Variants in HDHD2 observed in about 807,000 individuals in gnomAD.
HDHD2 encodes the protein haloacid dehalogenase-like hydrolase domain-containing protein 2.
A neutral mutation model predicts 24.8 loss-of-function variants in HDHD2; 26 were observed. The observed-to-expected ratio is 1.05, with a 90% CI of 0.77 to 1.45. The LOEUF is 1.45. Ranked by LOEUF, HDHD2 falls within the 40% of genes most tolerant of loss-of-function variation. The pLI is 0.00. For synonymous variants in HDHD2, 128 were observed against 114.9 expected (o/e 1.11, Z -0.73); for missense variants, 299 against 313.4 (o/e 0.95, Z 0.35).
intron 4 of HDHD2, among the ~76,000 whole-genome samples, chr18:47,126,620 T>C (rs1030026589): frequency 6.6e-6 from 1 of 152,162 alleles, no homozygotes; most frequent in Non-Finnish European, 1.5e-5. Context: ...AATTTAAACA[T>C]GAAAGTTGTG....
At position 47,115,235 on chromosome 18, in the gene HDHD2, G is replaced by A. The variant is rs1455066580; in HGVS notation, c.509C>T (p.Thr170Ile). The change falls in exon 5 of 7, where the codon ACA becomes ATA. Residue 170 changes from threonine (T) to isoleucine (I), a missense_variant. Physicochemically the swap from Thr to Ile is moderately conservative, Grantham distance 89 (BLOSUM62 -1). Coordinates refer to ENST00000300605, the MANE Select transcript of HDHD2 (RefSeq NM_032124.5). ...CCCCACGACTGTGGCTTTGGTATCT[G>A]TGGCATACTCTAAAGCAGTCACAAA... Reference protein sequence around the residue: ...GPFVTALEYATDTKATVVGKP... With the variant: ...GPFVTALEYAIDTKATVVGKP... 6.2e-7 allele frequency: 1 copy of A among 1,613,994 alleles called. No homozygotes were observed. Among genetic ancestry groups the A allele is most frequent in the South Asian group, 1.1e-5 (1 of 91,074 alleles).
At chr18:47,134,431 G>T in intron 3 of HDHD2, 65 bp downstream of exon 3, 2 of 1,134,840 alleles carry the variant, frequency 1.8e-6, no homozygotes, top group Non-Finnish European at 2.6e-6. Flanking sequence ...TAAACATCCA[G>T]TTTTAAAAAT....
chr18:47,113,746 G>C (rs947754843), intron 5 of HDHD2, among the ~76,000 whole-genome samples: 1 of 151,852 alleles, frequency 6.6e-6, no homozygotes, highest in African/African-American at 2.4e-5. Flanking sequence ...CATGCCTGAA[G>C]AAAGTTTTTT....
At chr18:47,127,211 T>A (rs2063667179) in intron 4 of HDHD2, among the ~76,000 whole-genome samples, 1 of 151,914 alleles carries the variant, frequency 6.6e-6, no homozygotes, top group Non-Finnish European at 1.5e-5. Context: ...GGCAAAGCAA[T>A]TCATTGTGCT....
chr18:47,130,113 G>A (rs2063698552), intron 4 of HDHD2, 131 bp downstream of exon 4: 1 of 545,118 alleles, frequency 1.8e-6, no homozygotes, highest in Non-Finnish European at 3.2e-6. Context: ...TGCTGATCTT[G>A]AAGATGTCTA....
chr18:47,146,839 G>C (rs1481486891), intron 1 of HDHD2, among the ~76,000 whole-genome samples: 1 of 152,168 alleles, frequency 6.6e-6, no homozygotes, highest in East Asian at 1.9e-4. Flanking sequence ...ATTACCACAA[G>C]AGTGGGGATA....
intron 2 of HDHD2, among the ~76,000 whole-genome samples, chr18:47,135,874 T>C (rs979104732): frequency 2.6e-5 from 4 of 152,238 alleles, no homozygotes; most frequent in African/African-American, 9.6e-5. Context: ...AAGTGTTTAG[T>C]TGATGGAAAT....
At chr18:47,109,950 AAAG>A (rs2063502557) in intron 6 of HDHD2, 3 of 984,158 alleles carry the variant, frequency 3.0e-6, no homozygotes, top group Admixed American at 6.1e-5. Context: ...ATATCTTTTT[AAAG>A]AATGAATGGA....
At chr18:47,118,682 G>A (rs984859836) in intron 4 of HDHD2, among the ~76,000 whole-genome samples, 23 of 152,142 alleles carry the variant, frequency 1.5e-4, no homozygotes, top group Non-Finnish European at 2.4e-4. Flanking sequence ...CATGGCACAC[G>A]TTTACCTATG....
In HDHD2 at chr18:47,134,802, C is replaced by T. The variant is rs912653196; in HGVS notation, c.102-98G>A. The T allele has an allele frequency of 5.7e-5, 52 of 919,042 alleles. No individual in the cohort carries two copies. In the African/African-American group the frequency reaches 8.4e-4, roughly 15 times the overall value. The allele number at this position is 919,042 out of a possible 1,614,324, so 56.9% of individuals were successfully genotyped here. A position where few individuals can be genotyped will look rare whatever the true frequency, so the allele number is the denominator to read the frequency against. On this transcript the variant is annotated intron_variant, in intron 2 of 6. Transcript: ENST00000300605. Reference sequence around the variant, plus strand: ...AAAACTGTGCCAAATGTTTTTATGGCCAGCAACATGACAATGTGTAGCCTC... The same window carrying T: ...AAAACTGTGCCAAATGTTTTTATGGTCAGCAACATGACAATGTGTAGCCTC...
chr18:47,139,694 G>C (rs1211953891), intron 1 of HDHD2, among the ~76,000 whole-genome samples: 2 of 152,088 alleles, frequency 1.3e-5, no homozygotes, highest in Non-Finnish European at 2.9e-5. Flanking sequence ...CAACCTGTGG[G>C]ATCTGACACT....
intron 1 of HDHD2, among the ~76,000 whole-genome samples, chr18:47,137,699 G>C (rs1338405020): frequency 6.6e-6 from 1 of 152,036 alleles, no homozygotes; most frequent in Non-Finnish European, 1.5e-5. Context: ...TTCAATTGGA[G>C]AATTTTAATG....
At chr18:47,111,158 G>A in intron 6 of HDHD2, 1 of 984,500 alleles carries the variant, frequency 1.0e-6, no homozygotes, top group Non-Finnish European at 1.2e-6. Context: ...GTACTTAGTT[G>A]ATTTACTAAT....
At chr18:47,126,108 A>C (rs1041097117) in intron 4 of HDHD2, among the ~76,000 whole-genome samples, 2 of 152,236 alleles carry the variant, frequency 1.3e-5, no homozygotes, top group Non-Finnish European at 2.9e-5. Context: ...AGTCTTAAAC[A>C]ATTTCTCACC....
Position 47,109,958 on chromosome 18 carries a change from A to C in HDHD2, c.677-1173T>G, listed in dbSNP as rs572377218. The C allele has an allele frequency of 1.2e-5, 12 of 984,856 alleles. No individual in the cohort carries two copies. The South Asian group carries it at 3.8e-4, about 31-fold the overall frequency. The allele number at this position is 984,856 out of a possible 1,614,324, so 61.0% of individuals were successfully genotyped here. A position where few individuals can be genotyped will look rare whatever the true frequency, so the allele number is the denominator to read the frequency against. On this transcript the variant is annotated intron_variant, in intron 6 of 6. Coordinates refer to ENST00000300605, the MANE Select transcript of HDHD2 (RefSeq NM_032124.5). ...CCTATAAATATCTTTTTAAAGAATG[A>C]ATGGAGGGAAGAAGAGAGGGGAGGG...
chr18:47,138,552 T>C (rs537260354), intron 1 of HDHD2, among the ~76,000 whole-genome samples: 16 of 152,354 alleles, frequency 1.1e-4, no homozygotes, highest in South Asian at 8.3e-4. Context: ...TTTACTGCAC[T>C]ATTACAAACT....
In HDHD2 at chr18:47,130,341, A is replaced by G; in HGVS notation, c.311-13T>C. 2 of 1,545,088 alleles carry G rather than the reference A, an allele frequency of 1.3e-6. No individual in the cohort carries two copies. The highest frequency in any genetic ancestry group is 1.8e-6 in the Non-Finnish European group (2 of 1,133,524). ...CTTGTTTGTATTCCTGGGAACGGAA[A>G]AAAAAAATGATTGTTGCAAATGCAA... On this transcript the variant is annotated splice_polypyrimidine_tract_variant and intron_variant, in intron 3 of 6. Transcript: ENST00000300605.
At chr18:47,111,714 T>C (rs1419849530) in intron 6 of HDHD2, 1 of 985,310 alleles carries the variant, frequency 1.0e-6, no homozygotes, top group East Asian at 1.1e-4. Flanking sequence ...AAGCAGACAG[T>C]GTTTTCACTC....
In HDHD2 at chr18:47,134,506, A is replaced by G; in HGVS notation, c.300T>C (p.Pro100=). 1 of 1,613,024 alleles carries G rather than the reference A, an allele frequency of 6.2e-7. No homozygotes were observed. Among genetic ancestry groups the G allele is most frequent in the Non-Finnish European group, 8.5e-7 (1 of 1,179,230 alleles). The change falls in exon 3 of 7, where the codon CCT becomes CCC. Residue 100 remains proline (P), a synonymous_variant. Transcript: ENST00000300605. ...PMLLVDDRAL[P]DFKGIQTSDP... Reference sequence around the variant, plus strand: ...CCAAATTTCCCCTACCTTTGAAATCAGGTAGTGCCCGATCATCAACTAGCA... The same window carrying G: ...CCAAATTTCCCCTACCTTTGAAATCGGGTAGTGCCCGATCATCAACTAGCA...
Sources: allele counts gnomAD v4.1 joint callset (sites outside exome capture counted in the v4.1 genomes callset), GRCh38; gene constraint gnomAD v4.1.1; transcripts MANE v1.5; gene names NCBI Gene and HGNC (gene_info 2026-07-23, HGNC 2026-07-21).